Variants in DNAH3 observed in about 807,000 individuals in gnomAD.
DNAH3 encodes the protein dynein axonemal heavy chain 3.
DNAH3 carries 332 observed loss-of-function variants against 432.5 expected under a neutral mutation model. That is an observed-to-expected ratio of 0.77 (90% CI 0.70 to 0.84). DNAH3 has a LOEUF of 0.84. Among genes scored for constraint, DNAH3 ranks in the 40% least tolerant of loss-of-function variants. The probability of loss-of-function intolerance (pLI) is 0.00; values close to 1 mark genes in which losing one functional copy is unlikely to be tolerated. For missense variants in DNAH3, 4,861 were observed against 5,114.0 expected, an observed-to-expected ratio of 0.95 and a Z score of 1.51; for synonymous variants, 1,956 against 1,900.2, an observed-to-expected ratio of 1.03 and a Z score of -0.76.
chr16:20,957,808 C>CAAAAAAAAAAAAAAAAAAAAAAAAAAAA (rs762197650), intron 54 of DNAH3, among the ~76,000 whole-genome samples: 5 of 53,282 alleles, frequency 9.4e-5, no homozygotes, highest in East Asian at 4.7e-4. Flanking sequence ...ACTCCATCTC[C>CAAAAAAAAAAAAAAAAAAAAAAAAAAAA]AAAAAAAAAA....
chr16:21,098,677 T>C (rs939672465), exon 17 of DNAH3: 40 of 1,613,920 alleles, frequency 2.5e-5, no homozygotes, highest in Non-Finnish European at 3.2e-5. Flanking sequence ...TTCAACATTG[T>C]GCTTCATTTC....
exon 53 of DNAH3, chr16:20,965,310 C>T (rs2085005579): frequency 6.2e-7 from 1 of 1,612,814 alleles, no homozygotes; most frequent in East Asian, 2.2e-5. Flanking sequence ...TTTCCCGGAT[C>T]CGCTTCATGG....
At chr16:21,094,423 CACT>C (rs761133487) in intron 18 of DNAH3, among the ~76,000 whole-genome samples, 2 of 152,110 alleles carry the variant, frequency 1.3e-5, no homozygotes, top group Non-Finnish European at 2.9e-5. Flanking sequence ...GTAATCCCAG[CACT>C]TTGGGAGGCC....
chr16:20,941,411 T>C lies in DNAH3; in HGVS notation c.11644A>G (p.Arg3882Gly), dbSNP rs1017901983. ...CATCATCTGGCCCACCTGTTGAATC[T>C]GATGAGCTCCTGCCTTAGGACGGTA... Residue 3882 changes from arginine (R) to glycine (G), a missense_variant, in exon 59 of 62, where the codon AGA (arginine) becomes GGA (glycine). By Grantham distance (125) the Arg-to-Gly change is moderately radical. Coordinates refer to ENST00000261383, the Ensembl canonical transcript of DNAH3. 9.3e-6 allele frequency: 15 copies of C among 1,613,866 alleles called. No individual in the cohort carries two copies. In the African/African-American group the frequency reaches 1.9e-4, roughly 20 times the overall value.
intron 1 of DNAH3, among the ~76,000 whole-genome samples, chr16:21,157,700 C>T (rs557636187): frequency 1.3e-5 from 2 of 152,298 alleles, no homozygotes; most frequent in African/African-American, 4.8e-5. Flanking sequence ...GGTCGGTCAA[C>T]ACAGGTCCCT....
exon 15 of DNAH3, chr16:21,106,602 G>T (rs778331774): frequency 3.1e-6 from 5 of 1,610,444 alleles, no homozygotes; most frequent in Non-Finnish European, 4.2e-6. Flanking sequence ...ATTCAATGAG[G>T]GATACCAGCT....
At chr16:21,157,930 C>G (rs1490351180) in intron 1 of DNAH3, among the ~76,000 whole-genome samples, 1 of 149,822 alleles carries the variant, frequency 6.7e-6, no homozygotes, top group Non-Finnish European at 1.5e-5. Flanking sequence ...GGGGGCGGTT[C>G]TTGTAACTGG....
chr16:20,954,354 G>A (rs2084461692), intron 55 of DNAH3, among the ~76,000 whole-genome samples: 1 of 146,702 alleles, frequency 6.8e-6, no homozygotes, highest in Non-Finnish European at 1.5e-5. Context: ...GTGGTGGTGT[G>A]ATATGGGCTC....
intron 12 of DNAH3, among the ~76,000 whole-genome samples, chr16:21,114,955 T>A (rs1169222651): frequency 6.6e-6 from 1 of 152,182 alleles, no homozygotes; most frequent in Non-Finnish European, 1.5e-5. Context: ...ATGTTTATTG[T>A]GGCACTATTC....
chr16:20,956,067 A>G (rs1235010993), intron 54 of DNAH3, among the ~76,000 whole-genome samples: 1 of 151,822 alleles, frequency 6.6e-6, no homozygotes, highest in Non-Finnish European at 1.5e-5. Flanking sequence ...AGCTGGGACT[A>G]CAGGTGCCCG....
Position 21,052,282 on chromosome 16 carries a change from G to A in DNAH3, c.4040-414C>T, listed in dbSNP as rs562429916. On this transcript the variant is annotated intron_variant, in intron 28 of 61. Coordinates refer to ENST00000261383, the Ensembl canonical transcript of DNAH3. Reference sequence around the variant, plus strand: ...GCTGAGATTACAGGCGTGAGCCACCGTGCCCAGCCCAAACAATTTTAGATT... The same window carrying A: ...GCTGAGATTACAGGCGTGAGCCACCATGCCCAGCCCAAACAATTTTAGATT... 1.8e-3 allele frequency among the ~76,000 whole-genome samples: 273 copies of A among 152,176 alleles called. 1 individual carries two copies. The highest frequency in any genetic ancestry group is 3.7e-3 in the East Asian group (19 of 5,180).
At chr16:21,030,827 G>A (rs1367837519) in intron 37 of DNAH3, among the ~76,000 whole-genome samples, 3 of 152,120 alleles carry the variant, frequency 2.0e-5, no homozygotes, top group African/African-American at 4.8e-5. Flanking sequence ...ACTATTCAAC[G>A]TGGTCTCTAA....
intron 49 of DNAH3, among the ~76,000 whole-genome samples, chr16:20,980,367 T>C (rs1004237034): frequency 8.0e-6 from 1 of 124,624 alleles, no homozygotes; most frequent in Non-Finnish European, 1.8e-5. Context: ...TATAAATATA[T>C]ATATATGTGG....
At chr16:21,141,118 A>T (rs2092712693) in intron 4 of DNAH3, among the ~76,000 whole-genome samples, 182 bp downstream of exon 5, 1 of 152,034 alleles carries the variant, frequency 6.6e-6, no homozygotes, top group South Asian at 2.1e-4. Context: ...CAGCCCGGGC[A>T]ACAGAGCAAG....
At chr16:21,027,165 G>A (rs1361158784) in intron 37 of DNAH3, 38 bp from the exon 38 acceptor site, 3 of 1,476,934 alleles carry the variant, frequency 2.0e-6, no homozygotes, top group Non-Finnish European at 2.8e-6. Context: ...ACAGGGGAAA[G>A]GCTTAAATTC....
chr16:21,000,459 G>A (rs2086964697), exon 43 of DNAH3: 15 of 1,613,962 alleles, frequency 9.3e-6, no homozygotes, highest in Non-Finnish European at 1.3e-5. Flanking sequence ...GGTCTAAGTA[G>A]GTTTTCAAGA....
Position 21,047,161 on chromosome 16 carries a change from T to C in DNAH3, c.4461+2408A>G, listed in dbSNP as rs565178070. On this transcript the variant is annotated intron_variant, in intron 31 of 61. Transcript: ENST00000261383. Reference sequence around the variant, plus strand: ...ATCTGACAATTATGTGTCTTGGAGTTGCTCTTCTCGAGGAGTATCTTTGTG... The same window carrying C: ...ATCTGACAATTATGTGTCTTGGAGTCGCTCTTCTCGAGGAGTATCTTTGTG... Among the ~76,000 whole-genome samples the C allele has an allele frequency of 1.2e-3, 182 of 149,384 alleles. 7 individuals are homozygous for C. The South Asian group carries it at 0.039, about 32-fold the overall frequency.
intron 41 of DNAH3, among the ~76,000 whole-genome samples, chr16:21,012,295 C>A (rs1218062777): frequency 6.6e-6 from 1 of 151,944 alleles, no homozygotes; most frequent in African/African-American, 2.4e-5. Context: ...GCATCACATT[C>A]CAGGCAAAAT....
rs550130549 is a variant in DNAH3, at chr16:21,022,748, A to T, written c.5647-648T>A. 2.2e-4 allele frequency among the ~76,000 whole-genome samples: 31 copies of T among 143,792 alleles called. No individual in the cohort carries two copies. In the East Asian group the frequency reaches 4.0e-3, roughly 19 times the overall value. 94.3% of individuals were successfully genotyped at this position (143,792 alleles called of 152,430 possible). A position where few individuals can be genotyped will look rare whatever the true frequency, so the allele number is the denominator to read the frequency against. On this transcript the variant is annotated intron_variant, in intron 39 of 61. Transcript: ENST00000261383. Reference sequence around the variant, plus strand: ...AAAGATTTATTTATTTACTTACTAAATTTTTTTTTTTTTTGAGACGGAGTT... The same window carrying T: ...AAAGATTTATTTATTTACTTACTAATTTTTTTTTTTTTTTGAGACGGAGTT...
Sources: gnomAD v4.1 joint callset for allele counts (sites outside exome capture counted in the v4.1 genomes callset) on GRCh38, gnomAD v4.1.1 for gene constraint, MANE v1.5 for transcripts, NCBI Gene and HGNC (gene_info 2026-07-23, HGNC 2026-07-21) for gene names.